DYNC2I1: variants seen among roughly 807,000 people sequenced by gnomAD.
DYNC2I1 encodes the protein cytoplasmic dynein 2 intermediate chain 1.
In DYNC2I1, 89 loss-of-function variants were observed where a neutral mutation model predicts 133.4. The observed-to-expected ratio is 0.67, with a 90% CI of 0.56 to 0.80. The LOEUF (loss-of-function observed/expected upper bound fraction) is 0.80. Among genes scored for constraint, DYNC2I1 ranks in the 30% least tolerant of loss-of-function variants. The probability of loss-of-function intolerance (pLI) is 0.00; values close to 1 mark genes in which losing one functional copy is unlikely to be tolerated. For missense variants in DYNC2I1, 1,291 were observed against 1,314.5 expected (o/e 0.98, Z 0.28); for synonymous variants, 504 against 484.3 (o/e 1.04, Z -0.54).
At chr7:158,849,022 A>C in the DYNC2I1 span, among the ~76,000 whole-genome samples, 1 of 152,208 alleles carries the variant, frequency 6.6e-6, no homozygotes, top group Admixed American at 6.5e-5. Context: ...GATTGGAGAA[A>C]TTTTAAGAGA....
chr7:158,848,024 G>A, the DYNC2I1 span, among the ~76,000 whole-genome samples: 1 of 152,138 alleles, frequency 6.6e-6, no homozygotes, highest in East Asian at 1.9e-4. Context: ...AGACAGATAT[G>A]GACAGTATCT....
intron 15 of DYNC2I1, among the ~76,000 whole-genome samples, chr7:158,921,369 G>A (rs1849068014): frequency 6.6e-6 from 1 of 152,220 alleles, no homozygotes; most frequent in East Asian, 1.9e-4. Context: ...TCAGGCGTTG[G>A]TTGCCATATC....
intron 20 of DYNC2I1, among the ~76,000 whole-genome samples, chr7:158,929,189 G>T (rs1849938264): frequency 6.6e-6 from 1 of 152,234 alleles, no homozygotes; most frequent in Non-Finnish European, 1.5e-5. Flanking sequence ...CAGGGTGGCT[G>T]CCAGCTCTTT....
chr7:158,948,281 G>A (rs1021288467), downstream of DYNC2I1, among the ~76,000 whole-genome samples: 2 of 152,224 alleles, frequency 1.3e-5, no homozygotes, highest in Non-Finnish European at 2.9e-5. Context: ...GCTTCCACAC[G>A]GGGGTCTCCA....
At chr7:158,844,129 CCT>C in the DYNC2I1 span, among the ~76,000 whole-genome samples, 5 of 152,230 alleles carry the variant, frequency 3.3e-5, no homozygotes, top group East Asian at 9.6e-4. Flanking sequence ...CAGTCTCTCT[CCT>C]CTCTCTCTCG....
rs1842882562 is a variant in DYNC2I1 at position 158,871,581 on chromosome 7, TC to T, written c.490+21del. 1 of 1,509,774 alleles carries T rather than the reference TC, an allele frequency of 6.6e-7. No homozygotes were observed. Among genetic ancestry groups the T allele is most frequent in the Non-Finnish European group, 8.8e-7 (1 of 1,136,230 alleles). 93.5% of individuals were successfully genotyped at this position (1,509,774 alleles called of 1,614,324 possible). On this transcript the variant is annotated intron_variant, in intron 3 of 24. Coordinates refer to ENST00000407559, the MANE Select transcript of DYNC2I1 (RefSeq NM_018051.5). ...CGCTCAGGTGGGTCCCCGCTTGCCT[TC>T]CTGTGGTTCCACCCGAGGTGCCGCG...
chr7:158,925,768 G>A (rs963058708), intron 17 of DYNC2I1, among the ~76,000 whole-genome samples: 10 of 152,040 alleles, frequency 6.6e-5, no homozygotes, highest in Admixed American at 4.6e-4. Context: ...TCCTGTTCAC[G>A]TCCCCCTTCC....
At chr7:158,916,487 C>G (rs34292730) in intron 14 of DYNC2I1, among the ~76,000 whole-genome samples, 1 of 61,860 alleles carries the variant, frequency 1.6e-5, no homozygotes, top group Admixed American at 1.7e-4. Context: ...CGTCTACATG[C>G]TGGTTGACAT....
intron 1 of DYNC2I1, among the ~76,000 whole-genome samples, chr7:158,857,881 C>G (rs987851671): frequency 6.0e-5 from 9 of 150,670 alleles, no homozygotes; most frequent in Non-Finnish European, 1.2e-4. Flanking sequence ...ACCTCCAACT[C>G]CTGGGTTCCA....
At chr7:158,856,862 G>A (rs901348354) in intron 1 of DYNC2I1, 112 bp downstream of exon 1, 3 of 1,181,344 alleles carry the variant, frequency 2.5e-6, no homozygotes, top group Admixed American at 4.3e-5. Flanking sequence ...CTCTCGGCCG[G>A]GCCGGGGCTT....
chr7:158,948,917 A>G (rs116339509), downstream of DYNC2I1, among the ~76,000 whole-genome samples: 711 of 152,306 alleles, frequency 4.7e-3, 4 homozygotes, highest in African/African-American at 0.016. Context: ...ATCTCACTAA[A>G]ATGCTCAGGA....
chr7:158,877,800 C>A (rs1843507946), intron 4 of DYNC2I1, among the ~76,000 whole-genome samples: 1 of 152,170 alleles, frequency 6.6e-6, no homozygotes, highest in Admixed American at 6.5e-5. Flanking sequence ...TTTCAAGACT[C>A]TCCATCTGCG....
rs1027985299 is a variant in DYNC2I1, at chr7:158,931,872, C to T, written c.2546+1357C>T. On this transcript the variant is annotated intron_variant, in intron 21 of 24. Transcript: ENST00000407559. The stretch of plus-strand genomic sequence containing the variant: ...GTAAACATTACGTGATTGCAGGGGG[C>T]GCTCCCTGCTTTCCCAGGAAGAAGG... 5.3e-5 allele frequency among the ~76,000 whole-genome samples: 8 copies of T among 152,168 alleles called. No homozygotes were observed. The East Asian group carries it at 5.8e-4, about 11-fold the overall frequency.
At position 158,905,200 on chromosome 7, in the gene DYNC2I1, G is replaced by A. The variant is rs146718513; in HGVS notation, c.1358-789G>A. 862 of 390,392 alleles carry A rather than the reference G, an allele frequency of 2.2e-3. 8 individuals are homozygous for A. Among genetic ancestry groups the A allele is most frequent in the Non-Finnish European group, 1.5e-3 (306 of 203,818 alleles). The allele number at this position is 390,392 out of a possible 1,614,324, so 24.2% of individuals were successfully genotyped here. ...ATGTCTCCCGTGCTGGAGTACAGTGGCATGATCTCGGCTCACTGCAACCTT... is the reference window on the plus strand; with the variant it reads ...ATGTCTCCCGTGCTGGAGTACAGTGACATGATCTCGGCTCACTGCAACCTT... On this transcript the variant is annotated intron_variant, in intron 10 of 24. Coordinates refer to ENST00000407559, the MANE Select transcript of DYNC2I1 (RefSeq NM_018051.5).
chr7:158,924,349 C>T (rs1404506606), intron 17 of DYNC2I1, among the ~76,000 whole-genome samples: 1 of 152,278 alleles, frequency 6.6e-6, no homozygotes, highest in East Asian at 1.9e-4. Flanking sequence ...ATGCCACGCC[C>T]TGCACCGCCC....
intron 20 of DYNC2I1, among the ~76,000 whole-genome samples, chr7:158,929,166 C>G (rs548119284): frequency 6.6e-6 from 1 of 152,232 alleles, no homozygotes; most frequent in Non-Finnish European, 1.5e-5. Context: ...GACGTTCCGA[C>G]CAGCCCGTTG....
intron 14 of DYNC2I1, among the ~76,000 whole-genome samples, chr7:158,916,650 T>G (rs1453747351): frequency 1.3e-5 from 1 of 75,688 alleles, no homozygotes; most frequent in Non-Finnish European, 3.1e-5. Context: ...TGGTTGACAT[T>G]TAGGGTGATT....
intron 6 of DYNC2I1, among the ~76,000 whole-genome samples, chr7:158,886,504 A>G (rs1182150610): frequency 1.3e-5 from 2 of 152,162 alleles, no homozygotes; most frequent in Non-Finnish European, 2.9e-5. Flanking sequence ...TCTGGAAGAT[A>G]TTTTCTGTCT....
chr7:158,864,792 C>T (rs534447940), intron 1 of DYNC2I1, among the ~76,000 whole-genome samples: 1 of 152,302 alleles, frequency 6.6e-6, no homozygotes, highest in South Asian at 2.1e-4. Context: ...AGGTGTGAGC[C>T]ACCATGCCTG....
Sources: allele counts gnomAD v4.1 joint callset (sites outside exome capture counted in the v4.1 genomes callset), GRCh38; gene constraint gnomAD v4.1.1; transcripts MANE v1.5; gene names NCBI Gene and HGNC (gene_info 2026-07-23, HGNC 2026-07-21).